LYPD6B: variants seen among roughly 807,000 people sequenced by gnomAD.
The protein encoded by LYPD6B is LY6/PLAUR domain containing 6B.
LYPD6B carries 17 observed loss-of-function variants against 22.8 expected under a neutral mutation model. The ratio of observed to expected loss-of-function variants is 0.75; its 90% CI spans 0.51 to 1.12. LYPD6B has a LOEUF of 1.12. Ranked by LOEUF, LYPD6B falls within the 50% of genes most tolerant of loss-of-function variation. The pLI is 0.00. For missense variants in LYPD6B, 221 were observed against 258.3 expected (o/e 0.86, Z 0.99); for synonymous variants, 106 against 91.6 (o/e 1.16, Z -0.90).
chr2:149,131,620 T>C (rs949502803), intron 2 of LYPD6B: 6 of 152,252 alleles, frequency 3.9e-5, no homozygotes, highest in African/African-American at 1.4e-4. Context: ...AAAGGGCCCA[T>C]CTTCAGAATC....
rs7577550 is a variant in LYPD6B at position 149,123,213 on chromosome 2, T to G, written c.-66-7670T>G. On this transcript the variant is annotated intron_variant, in intron 1 of 6. Transcript: ENST00000409642. ...ATACAGCTCCTCATTTGGGCAGCAG[T>G]GTGGTTTCAGCAGAACATCATTCAG... is the stretch of plus-strand genomic sequence containing the variant. 3.5e-4 allele frequency among the ~76,000 whole-genome samples: 53 copies of G among 152,144 alleles called. No individual in the cohort carries two copies. In the South Asian group the frequency reaches 4.1e-3, roughly 12 times the overall value.
At chr2:149,138,548 T>A (rs1688500919) in intron 2 of LYPD6B, among the ~76,000 whole-genome samples, 1 of 152,170 alleles carries the variant, frequency 6.6e-6, no homozygotes, top group Admixed American at 6.5e-5. Context: ...GGAGGTTTTC[T>A]TTTTTTAAGT....
chr2:149,214,056 A>G (rs930816784), intron 6 of LYPD6B, among the ~76,000 whole-genome samples: 2 of 152,140 alleles, frequency 1.3e-5, no homozygotes, highest in Admixed American at 1.3e-4. Context: ...TTTTTCTTAC[A>G]CCACTCAGCA....
At chr2:149,136,136 A>G (rs1472263126) in intron 2 of LYPD6B, among the ~76,000 whole-genome samples, 1 of 152,196 alleles carries the variant, frequency 6.6e-6, no homozygotes, top group Admixed American at 6.5e-5. Context: ...AGTTATTAAG[A>G]TTTATATCTT....
chr2:149,144,522 G>T (rs1688894283), intron 2 of LYPD6B, among the ~76,000 whole-genome samples: 1 of 152,066 alleles, frequency 6.6e-6, no homozygotes, highest in East Asian at 1.9e-4. Context: ...CTCCCAAATA[G>T]CTGGGATTAC....
At chr2:149,053,147 T>C (rs1683639987) in intron 1 of LYPD6B, among the ~76,000 whole-genome samples, 1 of 152,210 alleles carries the variant, frequency 6.6e-6, no homozygotes, top group Non-Finnish European at 1.5e-5. Flanking sequence ...TATGGAGGTA[T>C]GATAGATACC....
chr2:149,061,963 T>C (rs1287120789), intron 1 of LYPD6B, among the ~76,000 whole-genome samples: 2 of 151,706 alleles, frequency 1.3e-5, no homozygotes, highest in East Asian at 3.9e-4. Context: ...AGGAGAAACA[T>C]CGTAGAATCT....
intron 1 of LYPD6B, among the ~76,000 whole-genome samples, chr2:149,043,383 A>G (rs1390764528): frequency 6.6e-6 from 1 of 152,196 alleles, no homozygotes; most frequent in African/African-American, 2.4e-5. Flanking sequence ...TGCTACAGAT[A>G]CAAATTGATG....
chr2:149,208,208 A>G (rs939348195), intron 4 of LYPD6B, 106 bp from the exon 5 acceptor site: 17 of 722,788 alleles, frequency 2.4e-5, no homozygotes, highest in African/African-American at 1.1e-4. Context: ...ATGAAAGCTT[A>G]TAAGTTTTGT....
At chr2:149,106,937 A>T (rs113116016) in intron 1 of LYPD6B, among the ~76,000 whole-genome samples, 2 of 151,790 alleles carry the variant, frequency 1.3e-5, no homozygotes, top group South Asian at 2.1e-4. Flanking sequence ...TCTGCAGGGG[A>T]TGTGCTCCAA....
intron 2 of LYPD6B, among the ~76,000 whole-genome samples, chr2:149,140,279 G>A (rs1170425355): frequency 6.6e-6 from 1 of 152,194 alleles, no homozygotes; most frequent in Non-Finnish European, 1.5e-5. Flanking sequence ...CCAAGGCAAC[G>A]AGCGAGCTTG....
chr2:149,080,447 A>T (rs1685071741), intron 1 of LYPD6B, among the ~76,000 whole-genome samples: 1 of 152,210 alleles, frequency 6.6e-6, no homozygotes, highest in African/African-American at 2.4e-5. Context: ...AGCACAATTT[A>T]ATCTATAACA....
intron 1 of LYPD6B, among the ~76,000 whole-genome samples, chr2:149,078,569 A>G (rs1206228173): frequency 6.6e-6 from 1 of 152,218 alleles, no homozygotes; most frequent in African/African-American, 2.4e-5. Context: ...AACTCATTTC[A>G]AAGATAGCTA....
At chr2:149,196,039 C>G (rs1170951050) in intron 3 of LYPD6B, among the ~76,000 whole-genome samples, 2 of 152,110 alleles carry the variant, frequency 1.3e-5, no homozygotes, top group Non-Finnish European at 2.9e-5. Flanking sequence ...TGAACCGTAT[C>G]GTGAACCATT....
intron 3 of LYPD6B, chr2:149,200,563 T>C (rs1693084907): frequency 6.6e-6 from 1 of 152,214 alleles, no homozygotes; most frequent in Non-Finnish European, 1.5e-5. Flanking sequence ...CAAAAGAGTT[T>C]ATGATGTCAA....
At chr2:149,051,300 G>A (rs1683543357) in intron 1 of LYPD6B, among the ~76,000 whole-genome samples, 1 of 151,924 alleles carries the variant, frequency 6.6e-6, no homozygotes, top group Non-Finnish European at 1.5e-5. Context: ...GAATAGCTGG[G>A]ACTACAGGCA....
intron 3 of LYPD6B, chr2:149,187,442 A>AAC: frequency 6.5e-7 from 1 of 1,532,646 alleles, no homozygotes; most frequent in African/African-American, 1.4e-5. Context: ...AAGGCATTGT[A>AAC]CAGAAGAAGA....
At chr2:149,160,380 T>G (rs895508978) in intron 2 of LYPD6B, 7 of 457,246 alleles carry the variant, frequency 1.5e-5, no homozygotes, top group African/African-American at 1.4e-4. Context: ...GTTGAATGTG[T>G]GAATGCTACG....
chr2:149,066,067 G>A (rs2105337909), intron 1 of LYPD6B, among the ~76,000 whole-genome samples: 1 of 152,152 alleles, frequency 6.6e-6, no homozygotes, highest in East Asian at 1.9e-4. Context: ...GTAGTTCAGT[G>A]GCCCATGGCA....
Sources: gnomAD v4.1 joint callset for allele counts (sites outside exome capture counted in the v4.1 genomes callset) on GRCh38, gnomAD v4.1.1 for gene constraint, MANE v1.5 for transcripts, NCBI Gene and HGNC (gene_info 2026-07-23, HGNC 2026-07-21) for gene names.